The following IL1RAPL1 variants were observed in gnomAD, a reference collection of about 807,000 sequenced individuals.
IL1RAPL1 encodes the protein interleukin-1 receptor accessory protein-like 1.
In IL1RAPL1, 3 loss-of-function variants were observed where a neutral mutation model predicts 48.4. The observed-to-expected ratio is 0.06, with a 90% CI of 0.03 to 0.16. The LOEUF (loss-of-function observed/expected upper bound fraction) is 0.16, where lower values mean the gene tolerates loss of function less well. Among genes scored for constraint, IL1RAPL1 ranks in the 10% least tolerant of loss-of-function variants. IL1RAPL1 has a pLI of 1.00. For missense variants in IL1RAPL1, 349 were observed against 530.6 expected (o/e 0.66, Z 3.36); for synonymous variants, 185 against 187.7 (o/e 0.99, Z 0.12).
chrX:29,586,780 G>GT (rs1923179695), intron 5 of IL1RAPL1, among the ~76,000 whole-genome samples: 1 of 110,394 alleles, frequency 9.1e-6, no homozygotes, highest in Non-Finnish European at 1.9e-5. Flanking sequence ...GTATTTTGTT[G>GT]TTTTTGGTGC....
At chrX:29,489,655 A>C (rs905023347) in intron 5 of IL1RAPL1, among the ~76,000 whole-genome samples, 1 of 111,942 alleles carries the variant, frequency 8.9e-6, no homozygotes, top group Non-Finnish European at 1.9e-5. Context: ...GAATTACATC[A>C]TTATAATGTT....
intron 5 of IL1RAPL1, among the ~76,000 whole-genome samples, chrX:29,510,251 A>G (rs1017617711): frequency 8.9e-6 from 1 of 112,439 alleles, no homozygotes; most frequent in African/African-American, 3.2e-5. Context: ...GCTGTAAAGT[A>G]TGTATCTACT....
intron 5 of IL1RAPL1, among the ~76,000 whole-genome samples, chrX:29,557,656 T>A (rs58099023): frequency 0.12 from 13,476 of 111,101 alleles, 899 homozygotes; most frequent in African/African-American, 0.24. Flanking sequence ...TTGTACACTT[T>A]GATCAACATC....
At chrX:29,197,169 ATTTAC>A (rs1930460575) in intron 2 of IL1RAPL1, among the ~76,000 whole-genome samples, 1 of 111,680 alleles carries the variant, frequency 9.0e-6, no homozygotes, top group Non-Finnish European at 1.9e-5. Context: ...GAATTATTTA[ATTTAC>A]TTATATACAA....
chrX:29,917,067 G>T (rs1242423738), intron 6 of IL1RAPL1, among the ~76,000 whole-genome samples: 2 of 111,812 alleles, frequency 1.8e-5, no homozygotes, highest in East Asian at 5.6e-4. Context: ...CCTTCTATCT[G>T]CCCTATAAAA....
intron 5 of IL1RAPL1, among the ~76,000 whole-genome samples, chrX:29,468,935 G>A (rs1934892422): frequency 8.9e-6 from 1 of 111,764 alleles, no homozygotes; most frequent in South Asian, 3.7e-4. Context: ...ACTCCTAAAT[G>A]GAAGCATCTT....
chrX:29,365,165 G>C (rs939878385), intron 3 of IL1RAPL1, among the ~76,000 whole-genome samples: 1 of 111,446 alleles, frequency 9.0e-6, no homozygotes, highest in Non-Finnish European at 1.9e-5. Context: ...ACTTAGATGG[G>C]TGGTGCTCAG....
chrX:29,193,542 A>G (rs1930389634), intron 2 of IL1RAPL1, among the ~76,000 whole-genome samples: 1 of 110,888 alleles, frequency 9.0e-6, no homozygotes, highest in Non-Finnish European at 1.9e-5. Context: ...CTAGGGTAAA[A>G]CTACTCTTTT....
At chrX:28,928,564 A>T in intron 2 of IL1RAPL1, among the ~76,000 whole-genome samples, 1 of 111,794 alleles carries the variant, frequency 8.9e-6, no homozygotes, top group South Asian at 3.7e-4. Context: ...CTACATTAGC[A>T]TCTTTATGTA....
At chrX:29,638,174 T>A (rs1057213935) in intron 5 of IL1RAPL1, among the ~76,000 whole-genome samples, 1 of 111,563 alleles carries the variant, frequency 9.0e-6, no homozygotes, top group African/African-American at 3.3e-5. Flanking sequence ...GACTGCTGAA[T>A]GAACGGTGAC....
At chrX:29,744,133 C>T (rs1928273892) in intron 6 of IL1RAPL1, among the ~76,000 whole-genome samples, 1 of 112,006 alleles carries the variant, frequency 8.9e-6, no homozygotes. Flanking sequence ...TGGAGCATAA[C>T]CTTCACTAAT....
chrX:29,198,753 A>G (rs1930494151), intron 2 of IL1RAPL1, among the ~76,000 whole-genome samples: 1 of 111,616 alleles, frequency 9.0e-6, no homozygotes, highest in Non-Finnish European at 1.9e-5. Flanking sequence ...ACCTGGAGAA[A>G]TTGTAAAGTA....
rs761388167 is a variant in IL1RAPL1 at position 29,193,405 on chromosome X, A to G, written c.83-89533A>G. Among the ~76,000 whole-genome samples, 8 of 111,233 alleles carry G rather than the reference A, an allele frequency of 7.2e-5. No individual in the cohort carries two copies. The South Asian group carries it at 3.0e-3, about 41-fold the overall frequency. The stretch of plus-strand genomic sequence containing the variant: ...TTCTGTTTTTTAATTTATAATATTC[A>G]TCAATAGAAACTGCATCAGAAAATA... On this transcript the variant is annotated intron_variant, in intron 2 of 10. Coordinates refer to ENST00000378993, the MANE Select transcript of IL1RAPL1 (RefSeq NM_014271.4).
intron 6 of IL1RAPL1, among the ~76,000 whole-genome samples, chrX:29,729,471 C>T (rs1927862263): frequency 9.0e-6 from 1 of 111,447 alleles, no homozygotes; most frequent in South Asian, 3.8e-4. Context: ...ACTTACATGA[C>T]TTCAGTGATC....
intron 2 of IL1RAPL1, chrX:28,983,063 C>A (rs1925381600): frequency 8.9e-6 from 1 of 112,105 alleles, no homozygotes; most frequent in Non-Finnish European, 1.9e-5. Flanking sequence ...TATGTTTTAA[C>A]TATATTAAAT....
intron 1 of IL1RAPL1, among the ~76,000 whole-genome samples, chrX:28,638,275 A>G (rs1420998727): frequency 1.8e-5 from 2 of 111,681 alleles, no homozygotes; most frequent in Admixed American, 9.6e-5. Context: ...AAGAAAATAC[A>G]GGTTAGTAGA....
chrX:29,025,286 T>C (rs889178809), intron 2 of IL1RAPL1, among the ~76,000 whole-genome samples: 1 of 112,155 alleles, frequency 8.9e-6, no homozygotes, highest in Non-Finnish European at 1.9e-5. Flanking sequence ...TGTGGACGTA[T>C]GTTATCATTT....
rs1933991220 is a variant in IL1RAPL1, at chrX:29,401,457, A to G, written c.703+2149A>G. Among the ~76,000 whole-genome samples the G allele has an allele frequency of 2.7e-5, 3 of 111,568 alleles. No homozygotes were observed. The South Asian group carries it at 1.1e-3, about 42-fold the overall frequency. ...ATTGTTTTAAATGGTGTGACACTAT[A>G]GCGCATTTACTGTGGGGCCAAATTA... On this transcript the variant is annotated intron_variant, in intron 5 of 10. Transcript: ENST00000378993.
intron 5 of IL1RAPL1, among the ~76,000 whole-genome samples, chrX:29,450,636 A>G (rs1397348236): frequency 1.8e-5 from 2 of 111,928 alleles, no homozygotes; most frequent in Non-Finnish European, 3.8e-5. Flanking sequence ...TTAAGCCCTT[A>G]AAGAGCTAAA....
Sources: gnomAD v4.1 joint callset for allele counts (sites outside exome capture counted in the v4.1 genomes callset) on GRCh38, gnomAD v4.1.1 for gene constraint, MANE v1.5 for transcripts, NCBI Gene and HGNC (gene_info 2026-07-23, HGNC 2026-07-21) for gene names.